TIGAR: variants seen among roughly 807,000 people sequenced by gnomAD.
TIGAR encodes fructose-2,6-bisphosphatase TIGAR.
A neutral mutation model predicts 17.9 loss-of-function variants in TIGAR; 7 were observed. The ratio of observed to expected loss-of-function variants is 0.39; its 90% CI spans 0.22 to 0.73. The LOEUF (loss-of-function observed/expected upper bound fraction) is 0.73. Ranked by LOEUF, TIGAR falls within the 30% of genes least tolerant of loss-of-function variation. The pLI, the probability that TIGAR is intolerant of heterozygous loss-of-function variation, is 0.42. For missense variants in TIGAR, 258 were observed against 327.4 expected, an observed-to-expected ratio of 0.79 and a Z score of 1.64; for synonymous variants, 94 against 108.6, an observed-to-expected ratio of 0.87 and a Z score of 0.84.
chr12:4,350,772 G>A (rs1237404197), intron 4 of TIGAR, among the ~76,000 whole-genome samples: 2 of 143,410 alleles, frequency 1.4e-5, no homozygotes, highest in South Asian at 2.2e-4. Context: ...GCGAGATTCC[G>A]TCTCAAAAAA....
chr12:4,358,647 T>G lies in TIGAR; in HGVS notation c.*5956T>G, dbSNP rs1258328532. Among the ~76,000 whole-genome samples, 2 of 152,108 alleles carry G rather than the reference T, an allele frequency of 1.3e-5. No homozygotes were observed. Among genetic ancestry groups the G allele is most frequent in the Non-Finnish European group, 2.9e-5 (2 of 68,020 alleles). ...AGAATAAATATCTGAGTCAGGAAAT[T>G]TGACATTGATATTGCCTATTAGCTA... On this transcript the variant is annotated 3_prime_UTR_variant, in exon 6 of 6. Transcript: ENST00000179259.
intron 1 of TIGAR, 113 bp from the exon 2 acceptor site, chr12:4,331,167 C>G: frequency 2.2e-6 from 2 of 905,568 alleles, no homozygotes; most frequent in South Asian, 1.4e-5. Context: ...AAGTGTGTTA[C>G]AAGTTTCACA....
chr12:4,330,243 G>C (rs139119714), intron 1 of TIGAR, among the ~76,000 whole-genome samples: 1 of 152,058 alleles, frequency 6.6e-6, no homozygotes, highest in African/African-American at 2.4e-5. Context: ...ACAATGGAGC[G>C]ATCATTTTCC....
Position 4,355,193 on chromosome 12 carries a change from CTTGAAA to C in TIGAR, c.*2511_*2516del, listed in dbSNP as rs988617158. Among the ~76,000 whole-genome samples the C allele has an allele frequency of 1.3e-5, 2 of 152,122 alleles. No homozygotes were observed. The highest frequency in any genetic ancestry group is 1.9e-4 in the East Asian group (1 of 5,184). On this transcript the variant is annotated 3_prime_UTR_variant, in exon 6 of 6. Transcript: ENST00000179259. ...TTTTGAGAACTTCTGAATGTCAAATCTTGAAATTGAAATTTGCTTTTTATAGTATAA... is the reference window on the plus strand; with the variant it reads ...TTTTGAGAACTTCTGAATGTCAAATCTTGAAATTTGCTTTTTATAGTATAA...
At chr12:4,351,236 TGA>T (rs950954364) in intron 4 of TIGAR, 29 bp from the exon 5 acceptor site, 2 of 1,593,034 alleles carry the variant, frequency 1.3e-6, no homozygotes, top group Non-Finnish European at 1.7e-6. Flanking sequence ...CAATTTCATT[TGA>T]GAAACTGTTA....
At chr12:4,338,409 G>T (rs1263918409) in intron 3 of TIGAR, among the ~76,000 whole-genome samples, 3 of 152,166 alleles carry the variant, frequency 2.0e-5, no homozygotes, top group Non-Finnish European at 1.5e-5. Flanking sequence ...GGTAGGGGAA[G>T]CCAAGTAGTG....
rs913915837 is a variant in TIGAR, at chr12:4,358,415, G to A, written c.*5724G>A. Among the ~76,000 whole-genome samples the A allele has an allele frequency of 1.3e-5, 2 of 152,076 alleles. No individual in the cohort carries two copies. The highest frequency in any genetic ancestry group is 6.6e-5 in the Admixed American group (1 of 15,252). ...TTGGATTTATCAAACCTACAGAAAA[G>A]TTGCAAGAACAGTAGAAGGAATGGC... On this transcript the variant is annotated 3_prime_UTR_variant, in exon 6 of 6. Coordinates refer to ENST00000179259, the MANE Select transcript of TIGAR (RefSeq NM_020375.3).
In TIGAR at chr12:4,359,756, T is replaced by G. The variant is rs1864954587; in HGVS notation, c.*7065T>G. On this transcript the variant is annotated 3_prime_UTR_variant, in exon 6 of 6. Transcript: ENST00000179259. ...TGCTGAGTTATAGGTTATATGTTGG[T>G]GTATGTTTAGTTTTATAAGACACTT... 6.6e-6 allele frequency among the ~76,000 whole-genome samples: 1 copy of G among 152,174 alleles called. No homozygotes were observed. The highest frequency in any genetic ancestry group is 2.1e-4 in the South Asian group (1 of 4,826).
intron 1 of TIGAR, among the ~76,000 whole-genome samples, chr12:4,323,701 T>C (rs1406328000): frequency 6.6e-6 from 1 of 152,232 alleles, no homozygotes; most frequent in Non-Finnish European, 1.5e-5. Flanking sequence ...TACTTGAACA[T>C]CACCAGCCAT....
At chr12:4,333,988 T>C (rs541771618) in intron 2 of TIGAR, among the ~76,000 whole-genome samples, 95 of 152,272 alleles carry the variant, frequency 6.2e-4, no homozygotes, top group Admixed American at 8.5e-4. Flanking sequence ...GTTTTTTTTT[T>C]CCCCTTCTTT....
At chr12:4,338,185 G>A (rs191124221) in intron 3 of TIGAR, among the ~76,000 whole-genome samples, 2 of 152,246 alleles carry the variant, frequency 1.3e-5, no homozygotes, top group East Asian at 1.9e-4. Context: ...AAACTCCATG[G>A]AAGGAGAGTT....
At position 4,356,862 on chromosome 12, in the gene TIGAR, G is replaced by A. The variant is rs183373988; in HGVS notation, c.*4171G>A. On this transcript the variant is annotated 3_prime_UTR_variant, in exon 6 of 6. Transcript: ENST00000179259. Reference sequence around the variant, plus strand: ...CTCGCAGCTTCAAGCAGAGCCTGTCGCTTAGGCTCCCTTGCACCTGGAGTC... The same window carrying A: ...CTCGCAGCTTCAAGCAGAGCCTGTCACTTAGGCTCCCTTGCACCTGGAGTC... Among the ~76,000 whole-genome samples, 3 of 152,122 alleles carry A rather than the reference G, an allele frequency of 2.0e-5. No individual in the cohort carries two copies. The highest frequency in any genetic ancestry group is 6.6e-5 in the Admixed American group (1 of 15,266).
chr12:4,339,586 C>T (rs1017273544), intron 3 of TIGAR, among the ~76,000 whole-genome samples: 1 of 152,120 alleles, frequency 6.6e-6, no homozygotes, highest in Non-Finnish European at 1.5e-5. Context: ...CAGACAGACA[C>T]ATTAAAAGAA....
In TIGAR at chr12:4,321,437, T is replaced by A; in HGVS notation, c.32+134T>A. On this transcript the variant is annotated intron_variant, in intron 1 of 5. Transcript: ENST00000179259. This position sits in a 1 kb window ranked among gnomAD's most constrained non-coding sequence, Gnocchi z 5.2. ...CCCGGGAGGGCTGGCTTGGAAGCGC[T>A]TTTTCCGGGGCGCTTGCCCTGGGGC... 7.6e-7 allele frequency: 1 copy of A among 1,324,194 alleles called. No homozygotes were observed. Among genetic ancestry groups the A allele is most frequent in the Non-Finnish European group, 1.0e-6 (1 of 965,414 alleles). 82.0% of individuals were successfully genotyped at this position (1,324,194 alleles called of 1,614,324 possible). A position where few individuals can be genotyped will look rare whatever the true frequency, so the allele number is the denominator to read the frequency against.
intron 1 of TIGAR, chr12:4,324,429 C>A: frequency 6.7e-7 from 1 of 1,496,628 alleles, no homozygotes; most frequent in Non-Finnish European, 9.3e-7. Flanking sequence ...GCCGGCAGTG[C>A]TTCACCAGCT....
At chr12:4,322,645 A>T (rs996080653) in intron 1 of TIGAR, among the ~76,000 whole-genome samples, 9 of 151,742 alleles carry the variant, frequency 5.9e-5, no homozygotes, top group Non-Finnish European at 1.3e-4. Flanking sequence ...CACAAAGGAC[A>T]TTAATATGAT....
intron 3 of TIGAR, among the ~76,000 whole-genome samples, chr12:4,348,717 G>A (rs1864807026): frequency 6.6e-6 from 1 of 152,188 alleles, no homozygotes; most frequent in African/African-American, 2.4e-5. Flanking sequence ...ATATAAAACA[G>A]TATGATGATG....
intron 2 of TIGAR, among the ~76,000 whole-genome samples, chr12:4,335,157 C>A (rs1349241039): frequency 6.6e-6 from 1 of 152,104 alleles, no homozygotes; most frequent in Non-Finnish European, 1.5e-5. Context: ...CCTGCCTCAG[C>A]CTTCCAAGTA....
chr12:4,331,466 A>T, intron 2 of TIGAR, 149 bp downstream of exon 2: 1 of 751,714 alleles, frequency 1.3e-6, no homozygotes, highest in South Asian at 1.6e-5. Context: ...CCACAGAAAT[A>T]TGATCAGGGC....
Sources: gnomAD v4.1 joint callset for allele counts (sites outside exome capture counted in the v4.1 genomes callset) on GRCh38, gnomAD v4.1.1 for gene constraint, Gnocchi (gnomAD v3.1) non-coding constraint, MANE v1.5 for transcripts, NCBI Gene and HGNC (gene_info 2026-07-23, HGNC 2026-07-21) for gene names.